PLAAT1: variants seen among roughly 807,000 people sequenced by gnomAD.
PLAAT1 encodes phospholipase A and acyltransferase 1.
Under a neutral mutation model 16.4 loss-of-function variants are expected in PLAAT1, and 13 were observed. The observed-to-expected ratio is 0.79, with a 90% CI of 0.52 to 1.26. The LOEUF is 1.26. Ranked by LOEUF, PLAAT1 falls within the 50% of genes most tolerant of loss-of-function variation. The pLI is 0.00. For synonymous variants in PLAAT1, 73 were observed against 78.4 expected, an observed-to-expected ratio of 0.93 and a Z score of 0.36; for missense variants, 218 against 207.8, an observed-to-expected ratio of 1.05 and a Z score of -0.30.
At chr3:193,275,213 C>A, downstream of PLAAT1, 1 of 1,614,172 alleles carries the variant, frequency 6.2e-7, no homozygotes, top group Non-Finnish European at 8.5e-7. Context: ...CTGCTAGCTT[C>A]TTTTGCCAAG....
downstream of PLAAT1, among the ~76,000 whole-genome samples, chr3:193,279,104 T>C (rs539887457): frequency 1.2e-4 from 18 of 152,322 alleles, no homozygotes; most frequent in South Asian, 3.5e-3. Context: ...ATTGTATTGG[T>C]ATAACATAGC....
chr3:193,270,808 A>G lies in PLAAT1; in HGVS notation c.*103A>G, dbSNP rs896959386. 1.7e-5 allele frequency: 25 copies of G among 1,441,952 alleles called. No individual in the cohort carries two copies. In the African/African-American group the frequency reaches 3.0e-4, roughly 17 times the overall value. 89.3% of individuals were successfully genotyped at this position (1,441,952 alleles called of 1,614,324 possible). On this transcript the variant is annotated 3_prime_UTR_variant, in exon 4 of 4. Transcript: ENST00000264735. Reference sequence around the variant, plus strand: ...TGCATCATTACTGTTCCAGATTCCTATGATGGATGGCAGACTCTTTAATAA... The same window carrying G: ...TGCATCATTACTGTTCCAGATTCCTGTGATGGATGGCAGACTCTTTAATAA...
At chr3:193,264,494 T>G (rs1716706057) in intron 3 of PLAAT1, among the ~76,000 whole-genome samples, 2 of 137,462 alleles carry the variant, frequency 1.5e-5, no homozygotes, top group African/African-American at 2.8e-5. Flanking sequence ...TGTTGTTGTT[T>G]GTTTCTTCTT....
chr3:193,243,689 G>A (rs866690436), intron 1 of PLAAT1, among the ~76,000 whole-genome samples: 2 of 152,214 alleles, frequency 1.3e-5, no homozygotes, highest in East Asian at 3.9e-4. Context: ...TTGAATTCCA[G>A]TTGTGTCGCT....
chr3:193,243,450 G>A (rs1318494075), intron 1 of PLAAT1, among the ~76,000 whole-genome samples: 1 of 152,232 alleles, frequency 6.6e-6, no homozygotes, highest in African/African-American at 2.4e-5. Flanking sequence ...GGATTCTGGA[G>A]CGAGGTTCCA....
intron 1 of PLAAT1, among the ~76,000 whole-genome samples, chr3:193,242,593 G>A (rs566059899): frequency 6.6e-6 from 1 of 152,264 alleles, no homozygotes; most frequent in Admixed American, 6.5e-5. Flanking sequence ...TCTAGGGCGG[G>A]GGACCAAGAT....
At chr3:193,279,976 T>TAAAAAAAA (rs57617984), downstream of PLAAT1, among the ~76,000 whole-genome samples, 2 of 59,886 alleles carry the variant, frequency 3.3e-5, no homozygotes, top group African/African-American at 7.8e-5. Flanking sequence ...GTGTCTTTGT[T>TAAAAAAAA]AAAAAAAAAA....
intron 1 of PLAAT1, among the ~76,000 whole-genome samples, chr3:193,253,401 C>G (rs1445799060): frequency 6.6e-6 from 1 of 152,116 alleles, no homozygotes; most frequent in Non-Finnish European, 1.5e-5. Flanking sequence ...TGGAAGAGAG[C>G]ATAAGGAACT....
chr3:193,276,031 T>C (rs183786126), intron 2 of PLAAT1, among the ~76,000 whole-genome samples: 1 of 152,206 alleles, frequency 6.6e-6, no homozygotes, highest in African/African-American at 2.4e-5. Flanking sequence ...GTAGATAATA[T>C]TATGATAAGT....
downstream of PLAAT1, chr3:193,281,256 A>G (rs77961527): frequency 0.03 from 28,904 of 975,080 alleles, 519 homozygotes; most frequent in Non-Finnish European, 0.033. Flanking sequence ...TGTTCTGATG[A>G]AGTCCTAGAC....
downstream of PLAAT1, among the ~76,000 whole-genome samples, chr3:193,275,564 A>G (rs143262423): frequency 1.3e-4 from 20 of 152,178 alleles, no homozygotes; most frequent in Middle Eastern, 3.4e-3. Context: ...GGATTTTCTT[A>G]GAATGATTTT....
At chr3:193,268,555 C>T (rs1190527042) in intron 3 of PLAAT1, among the ~76,000 whole-genome samples, 2 of 152,158 alleles carry the variant, frequency 1.3e-5, no homozygotes, top group East Asian at 1.9e-4. Context: ...GTTGGTTCAC[C>T]AAGAACATCC....
chr3:193,248,019 G>A (rs556588138), intron 1 of PLAAT1, among the ~76,000 whole-genome samples: 8 of 152,212 alleles, frequency 5.3e-5, no homozygotes, highest in Non-Finnish European at 1.0e-4. Flanking sequence ...TGTTGAAAGC[G>A]GGACATTATT....
downstream of PLAAT1, chr3:193,277,888 C>T (rs1043434620): frequency 2.0e-5 from 3 of 152,194 alleles, no homozygotes; most frequent in Non-Finnish European, 2.9e-5. Context: ...TGCAGTGGCA[C>T]AATTTCAGCT....
intron 1 of PLAAT1, among the ~76,000 whole-genome samples, chr3:193,249,097 G>C (rs1716093825): frequency 6.6e-6 from 1 of 151,904 alleles, no homozygotes; most frequent in Admixed American, 6.6e-5. Context: ...TAGTATTCTT[G>C]GTTGGCAGGG....
chr3:193,259,760 C>T (rs558451341), intron 2 of PLAAT1, among the ~76,000 whole-genome samples: 2 of 152,204 alleles, frequency 1.3e-5, no homozygotes, highest in South Asian at 2.1e-4. Context: ...TCCATGCTCA[C>T]GGATTGGAAG....
chr3:193,264,906 C>T (rs915654485), intron 3 of PLAAT1, among the ~76,000 whole-genome samples: 7 of 152,146 alleles, frequency 4.6e-5, no homozygotes, highest in Non-Finnish European at 7.3e-5. Flanking sequence ...TTTTTAGATA[C>T]GTATCTAGAA....
rs1716959842 is a variant in PLAAT1, at chr3:193,270,721, A to T, written c.*16A>T. 2 of 1,607,686 alleles carry T rather than the reference A, an allele frequency of 1.2e-6. No homozygotes were observed. The highest frequency in any genetic ancestry group is 1.3e-5 in the African/African-American group (1 of 74,630). The stretch of plus-strand genomic sequence containing the variant: ...ATACTATTAACAATTTACCAAAGAG[A>T]TATTGATATTGAAGGAATTTGGGAG... On this transcript the variant is annotated 3_prime_UTR_variant, in exon 4 of 4. Transcript: ENST00000264735.
chr3:193,274,780 A>C, downstream of PLAAT1: 1 of 507,320 alleles, frequency 2.0e-6, no homozygotes, highest in Non-Finnish European at 3.4e-6. Context: ...CTCATTTTAA[A>C]CAAAATAATG....
Sources: gnomAD v4.1 joint callset for allele counts (sites outside exome capture counted in the v4.1 genomes callset) on GRCh38, gnomAD v4.1.1 for gene constraint, MANE v1.5 for transcripts, NCBI Gene and HGNC (gene_info 2026-07-23, HGNC 2026-07-21) for gene names.